PPA2: variants seen among roughly 807,000 people sequenced by gnomAD.
The protein encoded by PPA2 is inorganic pyrophosphatase 2, mitochondrial.
Under a neutral mutation model 49.5 loss-of-function variants are expected in PPA2, and 48 were observed. The observed-to-expected ratio is 0.97, with a 90% CI of 0.77 to 1.23. The LOEUF (loss-of-function observed/expected upper bound fraction) is 1.23, where lower values mean the gene tolerates loss of function less well. Ranked by LOEUF, PPA2 falls within the 50% of genes most tolerant of loss-of-function variation. The pLI is 0.00. For synonymous variants in PPA2, 131 were observed against 139.9 expected (o/e 0.94, Z 0.45); for missense variants, 429 against 410.1 (o/e 1.05, Z -0.40).
chr4:105,405,308 A>G, intron 7 of PPA2: 1 of 747,170 alleles, frequency 1.3e-6, no homozygotes. Context: ...CATACTTATT[A>G]ATAACTTTTT....
At chr4:105,396,123 A>G (rs1314314992) in intron 9 of PPA2, 126 bp downstream of exon 9, 2 of 513,224 alleles carry the variant, frequency 3.9e-6, no homozygotes, top group South Asian at 4.0e-5. Flanking sequence ...GTAATGCCCA[A>G]TGAATAGGTA....
intron 10 of PPA2, 74 bp downstream of exon 10, chr4:105,386,493 A>C: frequency 7.2e-7 from 1 of 1,386,550 alleles, no homozygotes; most frequent in East Asian, 2.4e-5. Flanking sequence ...TCATTGCTAG[A>C]GATTTCAGAA....
chr4:105,386,304 GGAT>G (rs1290527116), intron 10 of PPA2, among the ~76,000 whole-genome samples: 1 of 152,032 alleles, frequency 6.6e-6, no homozygotes, highest in African/African-American at 2.4e-5. Flanking sequence ...AATAATAAAC[GGAT>G]GATAAGAAAA....
intron 9 of PPA2, among the ~76,000 whole-genome samples, chr4:105,394,064 C>A (rs1056819290): frequency 1.3e-5 from 2 of 151,950 alleles, no homozygotes; most frequent in Non-Finnish European, 2.9e-5. Flanking sequence ...AAGAACATAG[C>A]TATTAACAGA....
intron 1 of PPA2, among the ~76,000 whole-genome samples, chr4:105,467,044 T>C (rs1723334742): frequency 6.6e-6 from 1 of 152,192 alleles, no homozygotes; most frequent in African/African-American, 2.4e-5. Flanking sequence ...AGACTGCCTT[T>C]CCCTGGTGCA....
At chr4:105,443,455 A>G (rs1246674317) in intron 5 of PPA2, among the ~76,000 whole-genome samples, 1 of 151,970 alleles carries the variant, frequency 6.6e-6, no homozygotes, top group African/African-American at 2.4e-5. Context: ...AAAAAAAAAA[A>G]AAAAAAAAAT....
intron 9 of PPA2, among the ~76,000 whole-genome samples, chr4:105,387,049 C>T (rs1172628786): frequency 6.6e-6 from 1 of 151,988 alleles, no homozygotes; most frequent in Admixed American, 6.6e-5. Context: ...AAAGTTTTTG[C>T]GGAATCTCTT....
chr4:105,434,117 G>A (rs1723943939), intron 6 of PPA2, among the ~76,000 whole-genome samples: 1 of 152,084 alleles, frequency 6.6e-6, no homozygotes, highest in Non-Finnish European at 1.5e-5. Flanking sequence ...ATGAGCCACT[G>A]CACCCAGACT....
chr4:105,462,242 T>A (rs977925579), intron 1 of PPA2, among the ~76,000 whole-genome samples: 3 of 152,084 alleles, frequency 2.0e-5, no homozygotes, highest in Non-Finnish European at 2.9e-5. Context: ...GAAGCACACA[T>A]CAGACAGCCC....
chr4:105,380,088 T>C (rs553753117), intron 10 of PPA2, among the ~76,000 whole-genome samples: 158 of 152,328 alleles, frequency 1.0e-3, no homozygotes, highest in South Asian at 2.1e-3. Flanking sequence ...TATTGCCTTA[T>C]TGCACTGGCT....
intron 7 of PPA2, among the ~76,000 whole-genome samples, chr4:105,423,876 A>G (rs1454182720): frequency 6.6e-6 from 1 of 152,116 alleles, no homozygotes; most frequent in Non-Finnish European, 1.5e-5. Context: ...TCCTAGTCAA[A>G]GGATGCTTTC....
intron 7 of PPA2, among the ~76,000 whole-genome samples, chr4:105,417,257 A>T (rs184807926): frequency 6.6e-6 from 1 of 152,288 alleles, no homozygotes; most frequent in Non-Finnish European, 1.5e-5. Flanking sequence ...CTAATCCTTT[A>T]ATTTAAACTG....
At chr4:105,425,499 G>C (rs1361012087) in intron 6 of PPA2, among the ~76,000 whole-genome samples, 1 of 152,136 alleles carries the variant, frequency 6.6e-6, no homozygotes, top group East Asian at 1.9e-4. Flanking sequence ...TGAAGACACT[G>C]TAACAGAAAC....
At chr4:105,431,774 T>C (rs942464013) in intron 6 of PPA2, among the ~76,000 whole-genome samples, 5 of 152,196 alleles carry the variant, frequency 3.3e-5, no homozygotes, top group Admixed American at 2.0e-4. Context: ...TACTGATACA[T>C]GCTACAACAT....
At position 105,463,501 on chromosome 4, in the gene PPA2, G is replaced by A. The variant is rs926717445; in HGVS notation, c.158-6756C>T. 9.2e-5 allele frequency among the ~76,000 whole-genome samples: 14 copies of A among 152,308 alleles called. 1 individual carries two copies. The highest frequency in any genetic ancestry group is 3.4e-4 in the African/African-American group (14 of 41,558). The stretch of plus-strand genomic sequence containing the variant: ...TCCCATTTTTTGAGAAGAAATTCAA[G>A]CCAGCTGCAGAAATTTGCATAAGTA... On this transcript the variant is annotated intron_variant, in intron 1 of 11. Transcript: ENST00000341695.
chr4:105,445,457 C>T (rs1394738075), intron 5 of PPA2, among the ~76,000 whole-genome samples: 1 of 151,730 alleles, frequency 6.6e-6, no homozygotes, highest in Non-Finnish European at 1.5e-5. Flanking sequence ...CTAACTGAAT[C>T]AGAGACAGCC....
intron 7 of PPA2, among the ~76,000 whole-genome samples, chr4:105,422,397 T>C (rs1317972250): frequency 6.6e-6 from 1 of 152,208 alleles, no homozygotes; most frequent in Non-Finnish European, 1.5e-5. Flanking sequence ...ATGAAAGGAA[T>C]TTAGAAAGGT....
chr4:105,369,554 A>C lies in PPA2; in HGVS notation c.*171T>G. ...TTCTTTTTATATCAATAAATGTCCAAAGGAGAGTAATTTAAAATTCTTACT... is the reference window on the plus strand; with the variant it reads ...TTCTTTTTATATCAATAAATGTCCACAGGAGAGTAATTTAAAATTCTTACT... On this transcript the variant is annotated 3_prime_UTR_variant, in exon 12 of 12. Coordinates refer to ENST00000341695, the MANE Select transcript of PPA2 (RefSeq NM_176869.3). 1.6e-6 allele frequency: 1 copy of C among 614,214 alleles called. No individual in the cohort carries two copies. Among genetic ancestry groups the C allele is most frequent in the Non-Finnish European group, 2.8e-6 (1 of 355,026 alleles). 38.0% of individuals were successfully genotyped at this position (614,214 alleles called of 1,614,324 possible). A position where few individuals can be genotyped will look rare whatever the true frequency, so the allele number is the denominator to read the frequency against.
intron 6 of PPA2, among the ~76,000 whole-genome samples, chr4:105,436,593 TAAAAATAAACATGGTACTGGTAC>T (rs1441348879): frequency 6.6e-6 from 1 of 151,956 alleles, no homozygotes; most frequent in Non-Finnish European, 1.5e-5. Flanking sequence ...AGTACTGGTA[TAAAAATAAACATGGTACTGGTAC>T]AAAAATAAAC....
Sources: gnomAD v4.1 joint callset for allele counts (sites outside exome capture counted in the v4.1 genomes callset) on GRCh38, gnomAD v4.1.1 for gene constraint, MANE v1.5 for transcripts, NCBI Gene and HGNC (gene_info 2026-07-23, HGNC 2026-07-21) for gene names.